Variants in PHTF1 observed in about 807,000 individuals in gnomAD.
The protein encoded by PHTF1 is putative homeodomain transcription factor 1, also known as protein PHTF1.
In PHTF1, 88 loss-of-function variants were observed where a neutral mutation model predicts 102.4. The ratio of observed to expected loss-of-function variants is 0.86; its 90% CI spans 0.72 to 1.03. The LOEUF is 1.03. Ranked by LOEUF, PHTF1 falls within the 50% of genes least tolerant of loss-of-function variation. The pLI is 0.00. For missense variants in PHTF1, 814 were observed against 909.5 expected (o/e 0.89, Z 1.35); for synonymous variants, 289 against 305.2 (o/e 0.95, Z 0.55).
At chr1:113,724,661 A>G in intron 7 of PHTF1, 98 bp downstream of exon 7, 2 of 877,042 alleles carry the variant, frequency 2.3e-6, no homozygotes, top group South Asian at 6.3e-5. Flanking sequence ...TAAAAATCAC[A>G]CCAAGATAAG....
Position 113,704,099 on chromosome 1 carries a change from A to G in PHTF1, c.1872T>C (p.Ala624=). ...CTTTTACCTGAGCACAACAAATGAA[A>G]GCAATCGAAAGTGTCAGTAGGAAAA... ...SSVFLLTLSI[A]FICCAQVLQG... The change falls in exon 15 of 19, where the codon GCT becomes GCC. Residue 624 remains alanine, a synonymous_variant. Transcript: ENST00000369604. 1 of 1,611,880 alleles carries G rather than the reference A, an allele frequency of 6.2e-7. No individual in the cohort carries two copies. Among genetic ancestry groups the G allele is most frequent in the African/African-American group, 1.3e-5 (1 of 75,018 alleles).
intron 3 of PHTF1, chr1:113,749,395 T>C (rs548470557): frequency 1.3e-5 from 2 of 152,312 alleles, no homozygotes; most frequent in African/African-American, 4.8e-5. Context: ...ATCCTTAGGT[T>C]CTCTTTGGTT....
At chr1:113,706,249 T>C in intron 12 of PHTF1, 87 bp from the exon 13 acceptor site, 2 of 1,078,036 alleles carry the variant, frequency 1.9e-6, no homozygotes, top group Non-Finnish European at 2.7e-6. Flanking sequence ...TTTAGACTAT[T>C]AAAAACACAT....
chr1:113,721,400 C>A (rs889705871), intron 7 of PHTF1, among the ~76,000 whole-genome samples: 1 of 152,130 alleles, frequency 6.6e-6, no homozygotes, highest in African/African-American at 2.4e-5. Context: ...CAGCTGGTAT[C>A]ATACTGAATG....
intron 13 of PHTF1, 115 bp downstream of exon 13, chr1:113,705,775 A>G (rs1397622771): frequency 1.4e-6 from 1 of 718,464 alleles, no homozygotes; most frequent in African/African-American, 1.8e-5. Context: ...TCCACTTATC[A>G]ATCCTTTATT....
At chr1:113,734,658 G>C (rs1655203240) in intron 5 of PHTF1, among the ~76,000 whole-genome samples, 1 of 152,158 alleles carries the variant, frequency 6.6e-6, no homozygotes, top group African/African-American at 2.4e-5. Context: ...GAATTGTTAA[G>C]CAAAAAGGAA....
At chr1:113,719,642 C>T (rs1270841440) in intron 7 of PHTF1, among the ~76,000 whole-genome samples, 1 of 152,190 alleles carries the variant, frequency 6.6e-6, no homozygotes, top group African/African-American at 2.4e-5. Context: ...CAAAGCCATT[C>T]AACAAATCTC....
At chr1:113,747,278 A>G (rs564214320) in intron 3 of PHTF1, among the ~76,000 whole-genome samples, 2 of 152,180 alleles carry the variant, frequency 1.3e-5, no homozygotes, top group African/African-American at 4.8e-5. Context: ...TCCTCTCACA[A>G]ATTTTTTGCT....
chr1:113,713,359 T>C lies in PHTF1; in HGVS notation c.703A>G (p.Arg235Gly). Residue 235 changes from arginine (R) to glycine (G), a missense_variant, in exon 8 of 19, where the codon AGG becomes GGG. By Grantham distance (125) the Arg-to-Gly change is moderately radical. Coordinates refer to ENST00000369604, the MANE Select transcript of PHTF1 (RefSeq NM_001323043.2). The stretch of plus-strand genomic sequence containing the variant: ...CTAATCTCTGGTCGACATTGTCTCC[T>C]CTTAATGATAGGATGGACACAACTT... ...DPSCVHPIIK[R>G]RQCRPEIRMW... 1 of 1,610,226 alleles carries C rather than the reference T, an allele frequency of 6.2e-7. No homozygotes were observed. Among genetic ancestry groups the C allele is most frequent in the Non-Finnish European group, 8.5e-7 (1 of 1,176,428 alleles).
At chr1:113,698,139 TTTGCA>T in intron 18 of PHTF1, 118 bp downstream of exon 18, 1 of 734,004 alleles carries the variant, frequency 1.4e-6, no homozygotes, top group Non-Finnish European at 2.1e-6. Context: ...TCAAGAGTTA[TTTGCA>T]TGCTAGAAAC....
intron 5 of PHTF1, 141 bp from the exon 6 acceptor site, chr1:113,726,715 AT>A (rs1653896247): frequency 1.8e-6 from 1 of 556,772 alleles, no homozygotes; most frequent in Non-Finnish European, 3.0e-6. Context: ...GCCCATCCAG[AT>A]GCACATTAGC....
At chr1:113,712,538 ATAG>A (rs1651289870) in intron 8 of PHTF1, among the ~76,000 whole-genome samples, 1 of 152,264 alleles carries the variant, frequency 6.6e-6, no homozygotes, top group African/African-American at 2.4e-5. Flanking sequence ...ATGCCTGGTT[ATAG>A]TAACGGCTCA....
At chr1:113,754,782 A>G (rs1363090392) in intron 3 of PHTF1, among the ~76,000 whole-genome samples, 1 of 152,184 alleles carries the variant, frequency 6.6e-6, no homozygotes, top group Non-Finnish European at 1.5e-5. Flanking sequence ...AAAAACCATT[A>G]AAACCTTTCA....
At position 113,704,160 on chromosome 1, in the gene PHTF1, C is replaced by T; in HGVS notation, c.1811G>A (p.Gly604Glu). 1 of 1,609,820 alleles carries T rather than the reference C, an allele frequency of 6.2e-7. No homozygotes were observed. Among genetic ancestry groups the T allele is most frequent in the Non-Finnish European group, 8.5e-7 (1 of 1,176,840 alleles). Residue 604 changes from glycine to glutamate, a missense_variant, in exon 15 of 19, where the codon GGG (glycine) becomes GAG (glutamate). By Grantham distance (98) the Gly-to-Glu change is moderately conservative. Coordinates refer to ENST00000369604, the MANE Select transcript of PHTF1 (RefSeq NM_001323043.2). ...AACCACATCAACTGAACGCTGTGGC[C>T]CCCGTCTCTGTGGAGTGAGACACAT... Reference protein sequence around the residue: ...LSLRSYLKRRGPQRSVDVVVS... With the variant: ...LSLRSYLKRREPQRSVDVVVS...
Position 113,738,288 on chromosome 1 carries a change from CA to C in PHTF1, c.173-21del. On this transcript the variant is annotated intron_variant, in intron 4 of 18. Coordinates refer to ENST00000369604, the MANE Select transcript of PHTF1 (RefSeq NM_001323043.2). ...TTGACCCTTTAAACATACAATAAAA[CA>C]AAACATCAAACATTTATATACACTG... The C allele has an allele frequency of 1.2e-6, 2 of 1,603,546 alleles. No individual in the cohort carries two copies. Among genetic ancestry groups the C allele is most frequent in the Non-Finnish European group, 1.7e-6 (2 of 1,172,012 alleles).
intron 5 of PHTF1, among the ~76,000 whole-genome samples, chr1:113,733,452 C>T (rs1347863801): frequency 6.6e-6 from 1 of 152,098 alleles, no homozygotes; most frequent in Non-Finnish European, 1.5e-5. Context: ...CACCTAAATG[C>T]CCACAATATG....
At chr1:113,733,103 CTA>C (rs1654949175) in intron 5 of PHTF1, among the ~76,000 whole-genome samples, 1 of 119,676 alleles carries the variant, frequency 8.4e-6, no homozygotes, top group Non-Finnish European at 1.6e-5. Flanking sequence ...TGGGATCTCG[CTA>C]TGTTTCCCAG....
chr1:113,726,737 A>C (rs559608336), intron 5 of PHTF1, among the ~76,000 whole-genome samples, 163 bp from the exon 6 acceptor site: 1 of 152,186 alleles, frequency 6.6e-6, no homozygotes, highest in Non-Finnish European at 1.5e-5. Flanking sequence ...CAAGTGAAAA[A>C]CTGAAGCCCT....
intron 14 of PHTF1, among the ~76,000 whole-genome samples, 173 bp downstream of exon 14, chr1:113,704,493 C>T (rs1649827016): frequency 2.0e-5 from 3 of 152,160 alleles, no homozygotes. Flanking sequence ...TCTTTACCTA[C>T]CCCTACCAGC....
Sources: gnomAD v4.1 joint callset for allele counts (sites outside exome capture counted in the v4.1 genomes callset) on GRCh38, gnomAD v4.1.1 for gene constraint, MANE v1.5 for transcripts, NCBI Gene and HGNC (gene_info 2026-07-23, HGNC 2026-07-21) for gene names.